Variants in AQP9 observed in about 807,000 individuals in gnomAD.
AQP9 encodes the protein aquaporin 9, also known as aquaporin-9.
A neutral mutation model predicts 23.8 loss-of-function variants in AQP9; 19 were observed. The observed-to-expected ratio is 0.80, with a 90% CI of 0.56 to 1.17. The LOEUF (loss-of-function observed/expected upper bound fraction) is 1.17. Ranked by LOEUF, AQP9 falls within the 50% of genes most tolerant of loss-of-function variation. The probability of loss-of-function intolerance (pLI) is 0.00; values close to 1 mark genes in which losing one functional copy is unlikely to be tolerated. For missense variants in AQP9, 413 were observed against 362.0 expected (o/e 1.14, Z -1.14); for synonymous variants, 153 against 131.5 (o/e 1.16, Z -1.12).
intron 1 of AQP9, among the ~76,000 whole-genome samples, chr15:58,161,077 T>C (rs534233909): frequency 4.6e-5 from 7 of 152,236 alleles, no homozygotes; most frequent in Admixed American, 3.9e-4. Context: ...TGACATTTCC[T>C]GAGCAATGGG....
At chr15:58,157,336 G>T (rs938840253) in intron 1 of AQP9, among the ~76,000 whole-genome samples, 1 of 152,210 alleles carries the variant, frequency 6.6e-6, no homozygotes, top group Non-Finnish European at 1.5e-5. Flanking sequence ...TCCCAGAAAA[G>T]TCTTTGAAAG....
intron 1 of AQP9, among the ~76,000 whole-genome samples, chr15:58,158,333 A>G (rs1014338690): frequency 1.3e-5 from 2 of 152,152 alleles, no homozygotes; most frequent in East Asian, 1.9e-4. Flanking sequence ...CTCTGACTAA[A>G]ACAGACCTGT....
In AQP9 at chr15:58,175,688, T is replaced by C. The variant is rs117529818; in HGVS notation, c.495+652T>C. 4.3e-4 allele frequency among the ~76,000 whole-genome samples: 66 copies of C among 152,334 alleles called. No homozygotes were observed. The East Asian group carries it at 0.012, about 28-fold the overall frequency. ...TTGGTCAGGGCAGTGGAAGGAAGGC[T>C]ATATTTTTCAGTATCTCTAAGTTCT... is the stretch of plus-strand genomic sequence containing the variant. On this transcript the variant is annotated intron_variant, in intron 4 of 5. Transcript: ENST00000219919.
chr15:58,157,810 T>G (rs1479902795), intron 1 of AQP9, among the ~76,000 whole-genome samples: 1 of 152,128 alleles, frequency 6.6e-6, no homozygotes, highest in Non-Finnish European at 1.5e-5. Flanking sequence ...AGAAAATCGA[T>G]TTTGCATAAA....
chr15:58,139,018 T>C (rs1439090103), intron 1 of AQP9, among the ~76,000 whole-genome samples: 1 of 152,146 alleles, frequency 6.6e-6, no homozygotes, highest in East Asian at 1.9e-4. Flanking sequence ...ATTTGTACCC[T>C]GCTTGCTTCC....
intron 4 of AQP9, 69 bp from the exon 5 acceptor site, chr15:58,179,059 G>A (rs2070195234): frequency 3.7e-6 from 4 of 1,085,022 alleles, no homozygotes; most frequent in Admixed American, 2.0e-5. Context: ...TAGTAAGAAG[G>A]GATGATTTTG....
intron 1 of AQP9, among the ~76,000 whole-genome samples, chr15:58,140,778 G>A (rs542447590): frequency 2.6e-5 from 4 of 151,966 alleles, no homozygotes; most frequent in Non-Finnish European, 4.4e-5. Context: ...TTTTTTTTCC[G>A]CCAACCTTGG....
rs949269870 is a variant in AQP9 at position 58,170,416 on chromosome 15, T to C, written c.239-2652T>C. ...CTCAGATTATTTCTTCAACTTTCTT[T>C]TTTTTTTTTAATGGAGTCTTGCTCT... On this transcript the variant is annotated intron_variant, in intron 2 of 5. Transcript: ENST00000219919. Among the ~76,000 whole-genome samples the C allele has an allele frequency of 5.9e-5, 9 of 151,958 alleles. No individual in the cohort carries two copies. In the East Asian group the frequency reaches 1.7e-3, roughly 29 times the overall value.
intron 5 of AQP9, 26 bp from the exon 6 acceptor site, chr15:58,183,935 A>G: frequency 6.2e-7 from 1 of 1,611,362 alleles, no homozygotes; most frequent in Non-Finnish European, 8.5e-7. Context: ...CAAGAAATGT[A>G]TCACTAATTT....
intron 1 of AQP9, among the ~76,000 whole-genome samples, chr15:58,146,024 TA>T (rs1207487659): frequency 6.6e-6 from 1 of 152,210 alleles, no homozygotes; most frequent in Non-Finnish European, 1.5e-5. Flanking sequence ...AATCTGAATT[TA>T]TCTGGTAACT....
rs1367976341 is a variant in AQP9 at position 58,185,749 on chromosome 15, G to T, written c.*1614G>T. ...AGCCCAGAATTCCCAAAGGCATTAG[G>T]TTTCCCAACTGCTTTGTGCTGATAT... On this transcript the variant is annotated 3_prime_UTR_variant, in exon 6 of 6. Coordinates refer to ENST00000219919, the MANE Select transcript of AQP9 (RefSeq NM_020980.5). 1 of 152,200 alleles carries T rather than the reference G, an allele frequency of 6.6e-6. No homozygotes were observed. Among genetic ancestry groups the T allele is most frequent in the African/African-American group, 2.4e-5 (1 of 41,440 alleles). The allele number at this position is 152,200 out of a possible 1,614,324, so 9.4% of individuals were successfully genotyped here.
At chr15:58,169,954 C>T (rs1283992256) in intron 2 of AQP9, among the ~76,000 whole-genome samples, 1 of 152,162 alleles carries the variant, frequency 6.6e-6, no homozygotes, top group Non-Finnish European at 1.5e-5. Flanking sequence ...AGAGGATTTG[C>T]ATAGAACAGA....
chr15:58,175,548 C>A (rs1898733154), intron 4 of AQP9, among the ~76,000 whole-genome samples: 2 of 152,200 alleles, frequency 1.3e-5, no homozygotes, highest in African/African-American at 4.8e-5. Flanking sequence ...AGCACCCAAG[C>A]ATACTGTGGT....
intron 1 of AQP9, among the ~76,000 whole-genome samples, chr15:58,157,727 A>G (rs1293329653): frequency 1.3e-5 from 2 of 152,214 alleles, no homozygotes; most frequent in Non-Finnish European, 2.9e-5. Context: ...CTTTCACTCT[A>G]GTTTTCTACC....
At chr15:58,158,964 TTTA>T (rs1898318140) in intron 1 of AQP9, among the ~76,000 whole-genome samples, 1 of 152,210 alleles carries the variant, frequency 6.6e-6, no homozygotes, top group Non-Finnish European at 1.5e-5. Flanking sequence ...CGAACAAATA[TTTA>T]TTGAGTGTCT....
intron 1 of AQP9, among the ~76,000 whole-genome samples, chr15:58,147,907 CAT>C (rs1491010011): frequency 3.3e-5 from 5 of 152,010 alleles, no homozygotes; most frequent in African/African-American, 9.7e-5. Flanking sequence ...CACACACACA[CAT>C]ATACATGCAC....
chr15:58,161,982 A>G (rs1415770758), intron 1 of AQP9, among the ~76,000 whole-genome samples: 1 of 152,236 alleles, frequency 6.6e-6, no homozygotes, highest in African/African-American at 2.4e-5. Context: ...ACAGAGAAAA[A>G]AAAAGTTCAA....
intron 1 of AQP9, chr15:58,151,434 C>A (rs781023206): frequency 6.6e-6 from 1 of 152,142 alleles, no homozygotes. Flanking sequence ...AGCCTCATTA[C>A]TATATCTTAC....
intron 5 of AQP9, among the ~76,000 whole-genome samples, chr15:58,179,628 T>A (rs891954764): frequency 6.6e-6 from 1 of 152,176 alleles, no homozygotes; most frequent in South Asian, 2.1e-4. Context: ...CCTCAATTGC[T>A]ATATGATTTT....
Sources: gnomAD v4.1 joint callset for allele counts (sites outside exome capture counted in the v4.1 genomes callset) on GRCh38, gnomAD v4.1.1 for gene constraint, MANE v1.5 for transcripts, NCBI Gene and HGNC (gene_info 2026-07-23, HGNC 2026-07-21) for gene names.